Variants in NKAIN2 observed in about 807,000 individuals in gnomAD.
NKAIN2 encodes sodium/potassium transporting ATPase interacting 2.
NKAIN2 carries 14 observed loss-of-function variants against 32.6 expected under a neutral mutation model. That is an observed-to-expected ratio of 0.43 (90% CI 0.28 to 0.67). The LOEUF (loss-of-function observed/expected upper bound fraction) is 0.67, where lower values mean the gene tolerates loss of function less well. NKAIN2 is among the 30% of genes least tolerant of loss of function. The pLI, the probability that NKAIN2 is intolerant of heterozygous loss-of-function variation, is 0.17. For synonymous variants in NKAIN2, 80 were observed against 87.2 expected (o/e 0.92, Z 0.46); for missense variants, 198 against 258.3 (o/e 0.77, Z 1.60).
chr6:123,907,550 A>T (rs959160923), intron 1 of NKAIN2, among the ~76,000 whole-genome samples: 1 of 152,162 alleles, frequency 6.6e-6, no homozygotes, highest in African/African-American at 2.4e-5. Flanking sequence ...GTGTTAATTC[A>T]TTGCTCTTCC....
At chr6:124,229,084 C>T (rs544188510) in intron 1 of NKAIN2, among the ~76,000 whole-genome samples, 2 of 152,234 alleles carry the variant, frequency 1.3e-5, no homozygotes, top group East Asian at 3.9e-4. Flanking sequence ...GATATGTAGT[C>T]ATTGGAAGAT....
At position 124,691,070 on chromosome 6, in the gene NKAIN2, A is replaced by T. The variant is rs190305580; in HGVS notation, c.474+32684A>T. Among the ~76,000 whole-genome samples the T allele has an allele frequency of 1.4e-4, 21 of 152,268 alleles. No individual in the cohort carries two copies. In the East Asian group the frequency reaches 4.1e-3, roughly 29 times the overall value. On this transcript the variant is annotated intron_variant, in intron 4 of 6. Coordinates refer to ENST00000368417, the MANE Select transcript of NKAIN2 (RefSeq NM_001040214.3). ...AGGAAGGCAGGAGGTTAAAAGTTGT[A>T]ACTTTTTATATTTGTTTTATCTCCA...
At chr6:124,347,484 G>T (rs555233283) in intron 2 of NKAIN2, among the ~76,000 whole-genome samples, 2 of 152,188 alleles carry the variant, frequency 1.3e-5, no homozygotes, top group Non-Finnish European at 2.9e-5. Context: ...ATCAGACACA[G>T]ATTTGGTCTT....
chr6:124,452,833 C>T (rs371549021), intron 3 of NKAIN2, among the ~76,000 whole-genome samples: 72 of 152,034 alleles, frequency 4.7e-4, no homozygotes, highest in African/African-American at 1.5e-3. Flanking sequence ...TATGTAAATT[C>T]GGGTGCAGTA....
At chr6:124,499,133 A>G (rs752567939) in intron 3 of NKAIN2, among the ~76,000 whole-genome samples, 3 of 152,140 alleles carry the variant, frequency 2.0e-5, no homozygotes, top group Admixed American at 6.5e-5. Flanking sequence ...GTAAAAAGGG[A>G]TTGGATTAGA....
At chr6:123,883,197 T>A (rs1021391792) in intron 1 of NKAIN2, among the ~76,000 whole-genome samples, 7 of 151,998 alleles carry the variant, frequency 4.6e-5, no homozygotes, top group Non-Finnish European at 1.0e-4. Context: ...CAGGCTGGAG[T>A]ACAGTGGCGT....
chr6:124,231,772 C>T (rs1792474440), intron 1 of NKAIN2, among the ~76,000 whole-genome samples: 2 of 151,994 alleles, frequency 1.3e-5, no homozygotes, highest in South Asian at 2.1e-4. Context: ...TTTTTCTTCC[C>T]AGTCTCATGT....
chr6:124,311,877 GT>G (rs981665848), intron 2 of NKAIN2, among the ~76,000 whole-genome samples: 3 of 152,200 alleles, frequency 2.0e-5, no homozygotes, highest in African/African-American at 7.2e-5. Context: ...TTAAACGTAT[GT>G]GGTATAAAAA....
chr6:124,249,511 A>G (rs56320986), intron 1 of NKAIN2, among the ~76,000 whole-genome samples: 78 of 152,212 alleles, frequency 5.1e-4, no homozygotes, highest in African/African-American at 1.7e-3. Flanking sequence ...TGAGGCTTCC[A>G]TTTTTACTAG....
chr6:124,211,561 G>A (rs1791176916), intron 1 of NKAIN2, among the ~76,000 whole-genome samples: 2 of 151,932 alleles, frequency 1.3e-5, no homozygotes, highest in Non-Finnish European at 2.9e-5. Flanking sequence ...GGTATGATCT[G>A]TTAGATCTTG....
At chr6:123,807,262 A>C (rs575549013) in intron 1 of NKAIN2, among the ~76,000 whole-genome samples, 4 of 152,212 alleles carry the variant, frequency 2.6e-5, no homozygotes, top group Non-Finnish European at 4.4e-5. Context: ...TTCCATATAT[A>C]TCATAAATTA....
intron 3 of NKAIN2, among the ~76,000 whole-genome samples, chr6:124,561,607 T>TTTC (rs773049795): frequency 5.9e-5 from 9 of 152,208 alleles, no homozygotes; most frequent in Non-Finnish European, 1.3e-4. Context: ...TTTCTTTCCT[T>TTTC]TTCTTCTTCT....
At chr6:124,296,956 C>A (rs1360923975) in intron 2 of NKAIN2, among the ~76,000 whole-genome samples, 1 of 152,120 alleles carries the variant, frequency 6.6e-6, no homozygotes, top group Non-Finnish European at 1.5e-5. Flanking sequence ...TCAGTCAAAC[C>A]AGCACTAAGA....
At position 123,804,244 on chromosome 6, in the gene NKAIN2, G is replaced by T; in HGVS notation, c.44G>T (p.Gly15Val). 1 of 1,613,708 alleles carries T rather than the reference G, an allele frequency of 6.2e-7. No homozygotes were observed. Among genetic ancestry groups the T allele is most frequent in the Non-Finnish European group, 8.5e-7 (1 of 1,179,638 alleles). ...SGRCTLIFIC[G>V]MQLVCVLERQ... ...AGGTGCACGCTTATCTTTATCTGTG[G>T]CATGCAACTGGTAAGTGACACTTGG... is the stretch of plus-strand genomic sequence containing the variant. Residue 15 changes from glycine (G) to valine (V), a missense_variant, in exon 1 of 7, where the codon GGC (glycine) becomes GTC (valine). Gly to Val is a moderately radical substitution (Grantham distance 109). Coordinates refer to ENST00000368417, the MANE Select transcript of NKAIN2 (RefSeq NM_001040214.3).
At chr6:124,355,131 C>T in intron 2 of NKAIN2, 136 bp from the exon 3 acceptor site, 2 of 584,334 alleles carry the variant, frequency 3.4e-6, no homozygotes, top group South Asian at 2.4e-5. Flanking sequence ...ACATCTAATC[C>T]TGTTCCTTAG....
chr6:124,216,729 A>T (rs558134166), intron 1 of NKAIN2, among the ~76,000 whole-genome samples: 2 of 152,202 alleles, frequency 1.3e-5, no homozygotes, highest in Non-Finnish European at 2.9e-5. Context: ...CATGACTTGA[A>T]TGTTAATAAT....
chr6:124,395,512 A>G (rs1225957369), intron 3 of NKAIN2, among the ~76,000 whole-genome samples: 4 of 152,184 alleles, frequency 2.6e-5, no homozygotes, highest in Non-Finnish European at 5.9e-5. Flanking sequence ...GTTTTCCAAA[A>G]GAGATAAAAG....
At chr6:124,624,545 G>A (rs891367276) in intron 3 of NKAIN2, among the ~76,000 whole-genome samples, 1 of 152,126 alleles carries the variant, frequency 6.6e-6, no homozygotes, top group African/African-American at 2.4e-5. Flanking sequence ...GAAAGTATGT[G>A]AATTTAACAA....
chr6:124,343,654 C>A (rs1381199434), intron 2 of NKAIN2, among the ~76,000 whole-genome samples: 4 of 149,124 alleles, frequency 2.7e-5, no homozygotes, highest in Non-Finnish European at 4.5e-5. Flanking sequence ...TGTTGATATC[C>A]TTCGCCCACT....
Sources: gnomAD v4.1 joint callset for allele counts (sites outside exome capture counted in the v4.1 genomes callset) on GRCh38, gnomAD v4.1.1 for gene constraint, MANE v1.5 for transcripts, NCBI Gene and HGNC (gene_info 2026-07-23, HGNC 2026-07-21) for gene names.